Variants in GRID2 observed in about 807,000 individuals in gnomAD.
The protein encoded by GRID2 is glutamate receptor ionotropic, delta-2.
Under a neutral mutation model 114.8 loss-of-function variants are expected in GRID2, and 33 were observed. The ratio of observed to expected loss-of-function variants is 0.29; its 90% CI spans 0.22 to 0.38. The LOEUF (loss-of-function observed/expected upper bound fraction) is 0.38. Among genes scored for constraint, GRID2 ranks in the 10% least tolerant of loss-of-function variants. The pLI is 1.00. For missense variants in GRID2, 1,184 were observed against 1,257.7 expected (o/e 0.94, Z 0.89); for synonymous variants, 505 against 449.9 (o/e 1.12, Z -1.55).
intron 11 of GRID2, among the ~76,000 whole-genome samples, chr4:93,463,234 G>A (rs1295681612): frequency 6.6e-6 from 1 of 152,172 alleles, no homozygotes; most frequent in Non-Finnish European, 1.5e-5. Context: ...GAAAGTGAAT[G>A]TTCAAATTCT....
chr4:92,903,453 C>A (rs1231772297), intron 2 of GRID2, among the ~76,000 whole-genome samples: 4 of 151,926 alleles, frequency 2.6e-5, no homozygotes, highest in Admixed American at 1.3e-4. Flanking sequence ...GGATTCAATA[C>A]CCACACATTA....
chr4:93,440,736 T>G (rs558956457), intron 10 of GRID2, among the ~76,000 whole-genome samples: 1 of 152,080 alleles, frequency 6.6e-6, no homozygotes. Flanking sequence ...AAATAAATTA[T>G]GTAGATGCAA....
At chr4:93,428,211 A>G (rs1280598710) in intron 10 of GRID2, among the ~76,000 whole-genome samples, 3 of 152,080 alleles carry the variant, frequency 2.0e-5, no homozygotes, top group Non-Finnish European at 4.4e-5. Context: ...CAAGGTGTTG[A>G]GTGACATTTT....
At chr4:93,205,985 G>A (rs56059412) in intron 4 of GRID2, among the ~76,000 whole-genome samples, 10,113 of 151,774 alleles carry the variant, frequency 0.067, 418 homozygotes, top group East Asian at 0.19. Context: ...CATATCCTTC[G>A]CTCACTTCAC....
rs563045747 is a variant in GRID2, at chr4:92,523,792, A to C, written c.89-66339A>C. 1.2e-4 allele frequency among the ~76,000 whole-genome samples: 19 copies of C among 152,056 alleles called. 1 individual carries two copies. The East Asian group carries it at 3.7e-3, about 30-fold the overall frequency. On this transcript the variant is annotated intron_variant, in intron 1 of 15. Coordinates refer to ENST00000282020, the MANE Select transcript of GRID2 (RefSeq NM_001510.4). Reference sequence around the variant, plus strand: ...GTCAGGTGACAACAGGGGCTCAGAGAGTGGGAGTGAAAACAGGGCCTACAC... The same window carrying C: ...GTCAGGTGACAACAGGGGCTCAGAGCGTGGGAGTGAAAACAGGGCCTACAC...
At chr4:92,354,856 G>A (rs780192433) in intron 1 of GRID2, among the ~76,000 whole-genome samples, 8 of 151,884 alleles carry the variant, frequency 5.3e-5, no homozygotes, top group Non-Finnish European at 8.8e-5. Context: ...GGACTTATAG[G>A]TCAATGAAAC....
intron 1 of GRID2, among the ~76,000 whole-genome samples, chr4:92,555,134 G>C (rs984833459): frequency 6.6e-6 from 1 of 152,072 alleles, no homozygotes; most frequent in Non-Finnish European, 1.5e-5. Flanking sequence ...AATAAAAGAG[G>C]TTCTTGAATG....
intron 9 of GRID2, among the ~76,000 whole-genome samples, chr4:93,398,750 T>C (rs1283468934): frequency 1.1e-5 from 1 of 93,266 alleles, no homozygotes; most frequent in Non-Finnish European, 1.9e-5. Context: ...GGAAGCAGTG[T>C]TTTTTTTTTT....
chr4:93,260,496 C>A (rs1238371397), intron 8 of GRID2, among the ~76,000 whole-genome samples: 1 of 151,492 alleles, frequency 6.6e-6, no homozygotes, highest in Non-Finnish European at 1.5e-5. Flanking sequence ...TTGCATACGA[C>A]TACATTAAAA....
chr4:93,490,965 C>T (rs1726940681), intron 12 of GRID2, among the ~76,000 whole-genome samples, 188 bp downstream of exon 12: 1 of 151,842 alleles, frequency 6.6e-6, no homozygotes, highest in Non-Finnish European at 1.5e-5. Flanking sequence ...ATTGGTAGAG[C>T]ATTTTTTATA....
In GRID2 at chr4:93,491,787, A is replaced by G. The variant is rs1035400612; in HGVS notation, c.1997+1010A>G. On this transcript the variant is annotated intron_variant, in intron 12 of 15. Transcript: ENST00000282020. ...TAAATTAAATTCATTAGTAGCCACA[A>G]AACTATTATAGCATAATACCAAAAA... Among the ~76,000 whole-genome samples, 4 of 151,914 alleles carry G rather than the reference A, an allele frequency of 2.6e-5. No homozygotes were observed. In the East Asian group the frequency reaches 7.8e-4, roughly 29 times the overall value.
intron 2 of GRID2, among the ~76,000 whole-genome samples, chr4:92,594,109 A>AAACCAAGACCTC (rs1358766253): frequency 6.6e-6 from 1 of 151,728 alleles, no homozygotes; most frequent in Non-Finnish European, 1.5e-5. Flanking sequence ...AAAAAGAACT[A>AAACCAAGACCTC]AACCAAGACC....
chr4:92,982,605 C>A (rs997531618), intron 2 of GRID2, among the ~76,000 whole-genome samples: 2 of 152,038 alleles, frequency 1.3e-5, no homozygotes, highest in African/African-American at 4.8e-5. Context: ...TTCTCATCAT[C>A]TTTCACCAGG....
chr4:92,496,319 C>T (rs1723386952), intron 1 of GRID2, among the ~76,000 whole-genome samples: 1 of 151,804 alleles, frequency 6.6e-6, no homozygotes, highest in African/African-American at 2.4e-5. Flanking sequence ...TTATACCCTA[C>T]CTTTGAAGAT....
At chr4:93,644,578 G>A (rs1054130077) in intron 14 of GRID2, among the ~76,000 whole-genome samples, 1 of 151,940 alleles carries the variant, frequency 6.6e-6, no homozygotes, top group Non-Finnish European at 1.5e-5. Context: ...AAAAACCATC[G>A]TGGCCCTTCT....
chr4:92,535,150 T>G (rs1725549546), intron 1 of GRID2, among the ~76,000 whole-genome samples: 1 of 152,186 alleles, frequency 6.6e-6, no homozygotes, highest in Non-Finnish European at 1.5e-5. Flanking sequence ...TCAACCCTGT[T>G]CTCTGAAATA....
intron 2 of GRID2, among the ~76,000 whole-genome samples, chr4:92,649,439 A>C (rs1385789222): frequency 6.6e-6 from 1 of 150,836 alleles, no homozygotes; most frequent in Non-Finnish European, 1.5e-5. Context: ...TTCTTTTCAG[A>C]CCCTCAACTG....
intron 1 of GRID2, among the ~76,000 whole-genome samples, chr4:92,544,854 G>T (rs533867191): frequency 6.6e-6 from 1 of 152,200 alleles, no homozygotes; most frequent in African/African-American, 2.4e-5. Context: ...TGCTAGATTT[G>T]AGCAATATAG....
chr4:93,767,690 C>T (rs918653227), intron 14 of GRID2, among the ~76,000 whole-genome samples: 2 of 152,146 alleles, frequency 1.3e-5, no homozygotes, highest in Non-Finnish European at 2.9e-5. Context: ...ACTTCCAATG[C>T]ACAAAATCTT....
Sources: gnomAD v4.1 joint callset for allele counts (sites outside exome capture counted in the v4.1 genomes callset) on GRCh38, gnomAD v4.1.1 for gene constraint, MANE v1.5 for transcripts, NCBI Gene and HGNC (gene_info 2026-07-23, HGNC 2026-07-21) for gene names.